MACROD2: variants seen among roughly 807,000 people sequenced by gnomAD.
MACROD2 encodes the protein mono-ADP ribosylhydrolase 2.
In MACROD2, 36 loss-of-function variants were observed where a neutral mutation model predicts 70.4. That is an observed-to-expected ratio of 0.51 (90% confidence interval 0.39 to 0.68). MACROD2 has a LOEUF of 0.68. Ranked by LOEUF, MACROD2 falls within the 30% of genes least tolerant of loss-of-function variation. The probability of loss-of-function intolerance (pLI) is 0.00; values close to 1 mark genes in which losing one functional copy is unlikely to be tolerated. For missense variants in MACROD2, 496 were observed against 538.4 expected (o/e 0.92, Z 0.78); for synonymous variants, 172 against 178.8 (o/e 0.96, Z 0.30).
chr20:15,562,362 A>G (rs2048256173), intron 8 of MACROD2, among the ~76,000 whole-genome samples: 1 of 152,232 alleles, frequency 6.6e-6, no homozygotes, highest in East Asian at 1.9e-4. Context: ...AAAGTTAATT[A>G]GTATGAAAAG....
chr20:14,447,015 T>G (rs572995795), intron 3 of MACROD2, among the ~76,000 whole-genome samples: 3 of 152,162 alleles, frequency 2.0e-5, no homozygotes, highest in Non-Finnish European at 4.4e-5. Flanking sequence ...GCAGATTTTC[T>G]TTTTTATTTT....
chr20:15,352,712 A>C (rs1291304408), intron 6 of MACROD2, among the ~76,000 whole-genome samples: 1 of 152,188 alleles, frequency 6.6e-6, no homozygotes, highest in East Asian at 1.9e-4. Context: ...CCAATAAGAG[A>C]CAAACAGAGA....
At chr20:14,202,883 T>A (rs2081490979) in intron 3 of MACROD2, among the ~76,000 whole-genome samples, 2 of 152,132 alleles carry the variant, frequency 1.3e-5, no homozygotes. Context: ...ACCCCGTCTC[T>A]ATTAAAAATA....
chr20:15,900,833 G>A (rs974365411), intron 10 of MACROD2, among the ~76,000 whole-genome samples: 2 of 152,164 alleles, frequency 1.3e-5, no homozygotes, highest in African/African-American at 4.8e-5. Flanking sequence ...TACTTGGGCA[G>A]TTTTTCTAAC....
At chr20:14,733,038 T>C (rs2071617123) in intron 5 of MACROD2, among the ~76,000 whole-genome samples, 1 of 152,222 alleles carries the variant, frequency 6.6e-6, no homozygotes, top group African/African-American at 2.4e-5. Flanking sequence ...TATACCTTAA[T>C]TACCCAAGCT....
intron 5 of MACROD2, among the ~76,000 whole-genome samples, chr20:14,895,783 G>A (rs901358982): frequency 1.3e-5 from 2 of 152,038 alleles, no homozygotes; most frequent in Non-Finnish European, 2.9e-5. Context: ...TATTATCTCA[G>A]GTTAGGTTCC....
intron 8 of MACROD2, among the ~76,000 whole-genome samples, chr20:15,861,210 G>T (rs2064419954): frequency 6.6e-6 from 1 of 152,158 alleles, no homozygotes; most frequent in African/African-American, 2.4e-5. Context: ...GTGCAGAAAT[G>T]GTATCAGAGA....
At chr20:14,867,103 C>T (rs1177956400) in intron 5 of MACROD2, among the ~76,000 whole-genome samples, 6 of 151,996 alleles carry the variant, frequency 3.9e-5, no homozygotes, top group African/African-American at 7.3e-5. Context: ...TTTAGGTGGC[C>T]CTACTTGATG....
At chr20:14,076,062 A>G (rs917800190) in intron 2 of MACROD2, among the ~76,000 whole-genome samples, 15 of 152,352 alleles carry the variant, frequency 9.8e-5, no homozygotes, top group Admixed American at 7.8e-4. Context: ...AATTTTGACA[A>G]AAATGTAGAC....
chr20:14,120,234 AG>A (rs1569167171), intron 3 of MACROD2, among the ~76,000 whole-genome samples: 24 of 147,612 alleles, frequency 1.6e-4, no homozygotes, highest in African/African-American at 5.2e-4. Flanking sequence ...AAAAAAAAAA[AG>A]AAGAAGACAT....
At chr20:14,461,820 A>T (rs2084376298) in intron 3 of MACROD2, among the ~76,000 whole-genome samples, 1 of 151,812 alleles carries the variant, frequency 6.6e-6, no homozygotes, top group Non-Finnish European at 1.5e-5. Context: ...CCATGTCTCT[A>T]CAAAGGATAT....
intron 5 of MACROD2, among the ~76,000 whole-genome samples, chr20:14,972,471 CACT>C (rs2074700725): frequency 6.6e-6 from 1 of 152,130 alleles, no homozygotes; most frequent in Non-Finnish European, 1.5e-5. Context: ...GACTCAGCAG[CACT>C]ACAACACTTT....
chr20:15,927,311 G>C (rs2065505657), intron 10 of MACROD2, among the ~76,000 whole-genome samples: 1 of 152,144 alleles, frequency 6.6e-6, no homozygotes, highest in African/African-American at 2.4e-5. Flanking sequence ...TGGGTGCCAA[G>C]GACACCACAG....
chr20:15,431,204 G>A (rs1035413850), intron 6 of MACROD2, among the ~76,000 whole-genome samples: 2 of 152,080 alleles, frequency 1.3e-5, no homozygotes, highest in South Asian at 2.1e-4. Context: ...GTTGGTTCTC[G>A]TGAGCTGATG....
intron 2 of MACROD2, among the ~76,000 whole-genome samples, chr20:14,075,003 T>G (rs1404761650): frequency 1.3e-5 from 2 of 152,198 alleles, no homozygotes; most frequent in Non-Finnish European, 2.9e-5. Context: ...GTCATCTCAG[T>G]TATCACATTC....
intron 5 of MACROD2, among the ~76,000 whole-genome samples, chr20:14,881,219 A>G (rs900000486): frequency 7.9e-5 from 12 of 151,044 alleles, no homozygotes; most frequent in African/African-American, 2.9e-4. Context: ...TTACAGATCC[A>G]TAGGTTTTGG....
At chr20:14,237,526 ATTCT>A (rs547628784) in intron 3 of MACROD2, among the ~76,000 whole-genome samples, 92 of 150,806 alleles carry the variant, frequency 6.1e-4, no homozygotes, top group South Asian at 1.7e-3. Flanking sequence ...AGTTCTATTA[ATTCT>A]TTATTTATTT....
intron 8 of MACROD2, among the ~76,000 whole-genome samples, chr20:15,679,242 A>AC (rs1457448650): frequency 6.6e-6 from 1 of 151,782 alleles, no homozygotes; most frequent in Non-Finnish European, 1.5e-5. Context: ...ATCTCAAAAA[A>AC]AAAAAAAAAA....
At chr20:15,358,748 G>A (rs1443956914) in intron 6 of MACROD2, among the ~76,000 whole-genome samples, 1 of 152,066 alleles carries the variant, frequency 6.6e-6, no homozygotes, top group Non-Finnish European at 1.5e-5. Flanking sequence ...TCTTGGTACT[G>A]GCCTGCAGAC....
Sources: gnomAD v4.1 joint callset for allele counts (sites outside exome capture counted in the v4.1 genomes callset) on GRCh38, gnomAD v4.1.1 for gene constraint, MANE v1.5 for transcripts, NCBI Gene and HGNC (gene_info 2026-07-23, HGNC 2026-07-21) for gene names.